The following GAS2 variants were observed in gnomAD, a reference collection of about 807,000 sequenced individuals.
GAS2 encodes the protein growth arrest-specific protein 2.
A neutral mutation model predicts 37.5 loss-of-function variants in GAS2; 20 were observed. The ratio of observed to expected loss-of-function variants is 0.53; its 90% CI spans 0.37 to 0.77. GAS2 has a LOEUF of 0.77. Ranked by LOEUF, GAS2 falls within the 30% of genes least tolerant of loss-of-function variation. The pLI is 0.00. For missense variants in GAS2, 336 were observed against 373.4 expected (o/e 0.90, Z 0.82); for synonymous variants, 144 against 132.2 (o/e 1.09, Z -0.61).
intron 7 of GAS2, among the ~76,000 whole-genome samples, chr11:22,773,514 C>T (rs1245929737): frequency 6.6e-6 from 1 of 151,570 alleles, no homozygotes; most frequent in Non-Finnish European, 1.5e-5. Context: ...CTGCCTCAGC[C>T]TCCCGAGTAG....
upstream of GAS2, among the ~76,000 whole-genome samples, chr11:22,663,455 C>A (rs1848939259): frequency 6.6e-6 from 1 of 151,338 alleles, no homozygotes; most frequent in Non-Finnish European, 1.5e-5. Flanking sequence ...GTAGATAAGA[C>A]AAATGGCATA....
At chr11:22,721,431 G>C (rs1264996350) in intron 3 of GAS2, among the ~76,000 whole-genome samples, 1 of 152,016 alleles carries the variant, frequency 6.6e-6, no homozygotes, top group Non-Finnish European at 1.5e-5. Flanking sequence ...TTTCATGTTT[G>C]TATGTCTTAG....
chr11:22,693,679 T>C (rs755364917), intron 3 of GAS2, among the ~76,000 whole-genome samples: 5 of 152,140 alleles, frequency 3.3e-5, no homozygotes, highest in Non-Finnish European at 5.9e-5. Flanking sequence ...AGTGTACTAG[T>C]TATAGTGTAA....
intron 2 of GAS2, among the ~76,000 whole-genome samples, chr11:22,675,258 A>C (rs1036014797): frequency 2.0e-5 from 3 of 152,180 alleles, no homozygotes; most frequent in Non-Finnish European, 4.4e-5. Flanking sequence ...ATGCAGTCAG[A>C]TTGCTTATTT....
intron 2 of GAS2, among the ~76,000 whole-genome samples, chr11:22,677,635 C>T (rs761572492): frequency 4.3e-4 from 65 of 152,142 alleles, no homozygotes; most frequent in Non-Finnish European, 6.8e-4. Flanking sequence ...TGTGAGCAGC[C>T]CAAGACAGCC....
intron 7 of GAS2, among the ~76,000 whole-genome samples, chr11:22,807,249 A>C (rs1245972668): frequency 6.6e-6 from 1 of 152,224 alleles, no homozygotes; most frequent in African/African-American, 2.4e-5. Flanking sequence ...CTGTCTTTGC[A>C]ATAATTGGAA....
At chr11:22,801,158 C>A (rs1856644202) in intron 7 of GAS2, among the ~76,000 whole-genome samples, 1 of 151,888 alleles carries the variant, frequency 6.6e-6, no homozygotes, top group Admixed American at 6.6e-5. Flanking sequence ...TAATGTGATT[C>A]CAGCCTGTCT....
intron 3 of GAS2, chr11:22,702,228 C>A (rs1018953520): frequency 6.6e-6 from 1 of 152,130 alleles, no homozygotes; most frequent in Non-Finnish European, 1.5e-5. Context: ...AAATTATTCT[C>A]ATTTCCTTGT....
At chr11:22,731,977 A>G (rs538525761) in intron 4 of GAS2, among the ~76,000 whole-genome samples, 1 of 151,796 alleles carries the variant, frequency 6.6e-6, no homozygotes, top group South Asian at 2.1e-4. Flanking sequence ...CCCTTTTCAA[A>G]TCTGGCCCTC....
chr11:22,691,742 T>C (rs1385336037), intron 3 of GAS2, among the ~76,000 whole-genome samples: 1 of 152,192 alleles, frequency 6.6e-6, no homozygotes, highest in East Asian at 1.9e-4. Context: ...AAAGAAAAGT[T>C]AGTGGTAAAG....
intron 7 of GAS2, among the ~76,000 whole-genome samples, chr11:22,800,017 G>A (rs1856590987): frequency 6.6e-6 from 1 of 152,060 alleles, no homozygotes; most frequent in African/African-American, 2.4e-5. Context: ...ATTTTAAGGA[G>A]TTCACAATAT....
chr11:22,674,774 A>G (rs1849348740), intron 1 of GAS2, 76 bp from the exon 2 acceptor site: 4 of 1,165,048 alleles, frequency 3.4e-6, no homozygotes, highest in East Asian at 4.8e-5. Context: ...GATCCAGTTC[A>G]TTATAATGTC....
At chr11:22,632,599 G>A (rs545433267) in intron 1 of GAS2, among the ~76,000 whole-genome samples, 8 of 152,100 alleles carry the variant, frequency 5.3e-5, no homozygotes, top group African/African-American at 1.4e-4. Context: ...CTAAATTGCT[G>A]GCAAAGCCAG....
At chr11:22,710,613 A>T (rs774417130) in intron 3 of GAS2, among the ~76,000 whole-genome samples, 2 of 152,066 alleles carry the variant, frequency 1.3e-5, no homozygotes, top group Non-Finnish European at 2.9e-5. Context: ...TATAACTATC[A>T]TCAATTTGAT....
At chr11:22,709,795 ATG>A (rs1464608001) in intron 3 of GAS2, among the ~76,000 whole-genome samples, 1 of 152,226 alleles carries the variant, frequency 6.6e-6, no homozygotes, top group Non-Finnish European at 1.5e-5. Flanking sequence ...GATTAAGAAA[ATG>A]TGGCACATAT....
At chr11:22,633,147 G>A (rs1858767656) in intron 1 of GAS2, among the ~76,000 whole-genome samples, 1 of 152,124 alleles carries the variant, frequency 6.6e-6, no homozygotes, top group African/African-American at 2.4e-5. Flanking sequence ...CATATTGCTA[G>A]AGTTGTTTTT....
intron 7 of GAS2, among the ~76,000 whole-genome samples, chr11:22,779,045 G>A (rs112906171): frequency 2.2e-5 from 3 of 136,442 alleles, no homozygotes; most frequent in Non-Finnish European, 3.2e-5. Context: ...TAAGTTTTTT[G>A]TTTTTTTTTT....
At chr11:22,658,871 A>G (rs765936923) in intron 1 of GAS2, among the ~76,000 whole-genome samples, 4 of 152,254 alleles carry the variant, frequency 2.6e-5, no homozygotes, top group Non-Finnish European at 5.9e-5. Context: ...TCTAAATGCC[A>G]TAAATCTGAA....
At chr11:22,771,210 C>T (rs753175062) in intron 7 of GAS2, among the ~76,000 whole-genome samples, 1 of 151,694 alleles carries the variant, frequency 6.6e-6, no homozygotes, top group African/African-American at 2.4e-5. Context: ...CCTAGTAATA[C>T]AATATTTGTT....
Sources: gnomAD v4.1 joint callset for allele counts (sites outside exome capture counted in the v4.1 genomes callset) on GRCh38, gnomAD v4.1.1 for gene constraint, MANE v1.5 for transcripts, NCBI Gene and HGNC (gene_info 2026-07-23, HGNC 2026-07-21) for gene names.